The following CFAP20DC variants were observed in gnomAD, a reference collection of about 807,000 sequenced individuals.
CFAP20DC encodes the protein protein CFAP20DC.
A neutral mutation model predicts 101.7 loss-of-function variants in CFAP20DC; 84 were observed. The ratio of observed to expected loss-of-function variants is 0.83; its 90% CI spans 0.69 to 0.99. The LOEUF (loss-of-function observed/expected upper bound fraction) is 0.99. CFAP20DC is among the 50% of genes least tolerant of loss of function. CFAP20DC has a pLI of 0.00. For synonymous variants in CFAP20DC, 359 were observed against 351.2 expected (o/e 1.02, Z -0.25); for missense variants, 1,007 against 970.3 (o/e 1.04, Z -0.50).
intron 14 of CFAP20DC, among the ~76,000 whole-genome samples, chr3:58,829,392 C>T (rs907246257): frequency 3.3e-5 from 5 of 150,926 alleles, no homozygotes; most frequent in African/African-American, 9.7e-5. Flanking sequence ...TTCTTTTTCA[C>T]TGTCCCTGTG....
chr3:58,800,000 T>C lies in CFAP20DC; in HGVS notation c.2237+6395A>G, dbSNP rs1264754295. ...AGCACTCCTAAGTGGGGACCAAGCCTGGAGTATCAGAGGGAAAGAGAAGGA... is the reference window on the plus strand; with the variant it reads ...AGCACTCCTAAGTGGGGACCAAGCCCGGAGTATCAGAGGGAAAGAGAAGGA... On this transcript the variant is annotated intron_variant, in intron 15 of 16. Coordinates refer to ENST00000482387, the MANE Select transcript of CFAP20DC (RefSeq NM_001394063.1). This position sits in a 1 kb window ranked among gnomAD's most constrained non-coding sequence, Gnocchi z 4.9. 6.6e-6 allele frequency among the ~76,000 whole-genome samples: 1 copy of C among 152,088 alleles called. No individual in the cohort carries two copies. Among genetic ancestry groups the C allele is most frequent in the Non-Finnish European group, 1.5e-5 (1 of 68,016 alleles).
intron 13 of CFAP20DC, among the ~76,000 whole-genome samples, chr3:58,844,328 A>G (rs202081347): frequency 2.1e-5 from 3 of 145,792 alleles, no homozygotes; most frequent in African/African-American, 7.8e-5. Context: ...TCTACCAAGC[A>G]AATGGAAAAC....
chr3:58,872,933 C>A (rs1306737043), intron 7 of CFAP20DC, among the ~76,000 whole-genome samples: 2 of 142,952 alleles, frequency 1.4e-5, no homozygotes, highest in Admixed American at 7.1e-5. Context: ...TGGATACTGT[C>A]AGGCAGGTCC....
intron 4 of CFAP20DC, among the ~76,000 whole-genome samples, chr3:58,965,917 G>C (rs1185000001): frequency 6.6e-6 from 1 of 152,166 alleles, no homozygotes; most frequent in Admixed American, 6.5e-5. Context: ...CTGTGAAAAT[G>C]GTAGAGAAAA....
At chr3:58,891,428 AG>A (rs2082249190) in intron 6 of CFAP20DC, among the ~76,000 whole-genome samples, 1 of 1,504 alleles carries the variant, frequency 6.6e-4, no homozygotes, top group Admixed American at 0.025. Context: ...CCGTGGGGAG[AG>A]GGAGAGGGAG....
At chr3:59,037,682 G>T (rs2094128559) in intron 4 of CFAP20DC, among the ~76,000 whole-genome samples, 1 of 152,086 alleles carries the variant, frequency 6.6e-6, no homozygotes, top group African/African-American at 2.4e-5. Flanking sequence ...TACTGTTGGT[G>T]GGAGTCTAAA....
Position 58,913,742 on chromosome 3 carries a change from T to G in CFAP20DC, c.516A>C (p.Leu172Phe). 4.3e-6 allele frequency: 7 copies of G among 1,613,764 alleles called. No individual in the cohort carries two copies. The highest frequency in any genetic ancestry group is 5.9e-6 in the Non-Finnish European group (7 of 1,179,800). ...CAGCAGTGTCTTGTGGCTTTGATTT[T>G]AAGGTGAAGATCTTCCGTAGCTTAC... ...ANCKLRKIFT[L>F]KSKPQDTADK... Residue 172 changes from leucine to phenylalanine, a missense_variant, in exon 6 of 17, where the codon TTA becomes TTC. By Grantham distance (22) the Leu-to-Phe change is conservative. Transcript: ENST00000482387. This position sits in a 1 kb window ranked among gnomAD's most constrained non-coding sequence, Gnocchi z 4.4.
At chr3:59,026,340 G>C (rs373209671) in intron 4 of CFAP20DC, among the ~76,000 whole-genome samples, 2 of 152,164 alleles carry the variant, frequency 1.3e-5, no homozygotes, top group East Asian at 3.8e-4. Flanking sequence ...ACATAGTTTA[G>C]AGATGTATTC....
chr3:58,750,717 A>G (rs2068507544), intron 16 of CFAP20DC, among the ~76,000 whole-genome samples: 1 of 152,174 alleles, frequency 6.6e-6, no homozygotes, highest in Non-Finnish European at 1.5e-5. Flanking sequence ...AGTGTTTTTA[A>G]CTGGTTCATC....
intron 15 of CFAP20DC, among the ~76,000 whole-genome samples, chr3:58,786,793 T>C (rs1462339365): frequency 1.3e-5 from 2 of 151,764 alleles, no homozygotes; most frequent in African/African-American, 2.4e-5. Flanking sequence ...AAAAAAATCA[T>C]ATACTGAGGT....
chr3:58,812,660 C>T (rs1333031907), intron 14 of CFAP20DC, among the ~76,000 whole-genome samples: 2 of 151,400 alleles, frequency 1.3e-5, no homozygotes, highest in African/African-American at 4.9e-5. Context: ...ACATGTGTAA[C>T]TAACCTGCAC....
intron 4 of CFAP20DC, among the ~76,000 whole-genome samples, chr3:58,957,732 G>GT (rs929827277): frequency 6.6e-6 from 1 of 151,958 alleles, no homozygotes; most frequent in Non-Finnish European, 1.5e-5. Flanking sequence ...CATTTATTCA[G>GT]TAAAAAAAAG....
At chr3:58,731,881 G>C (rs903636862) in intron 3 of CFAP20DC, among the ~76,000 whole-genome samples, 1 of 152,156 alleles carries the variant, frequency 6.6e-6, no homozygotes. Context: ...TTGGTCAATA[G>C]TGCCACCAAC....
At chr3:58,837,011 A>G (rs2076784068) in intron 13 of CFAP20DC, among the ~76,000 whole-genome samples, 1 of 152,160 alleles carries the variant, frequency 6.6e-6, no homozygotes, top group Admixed American at 6.6e-5. Context: ...TCCAGCCATC[A>G]GGCAGAAAAG....
intron 4 of CFAP20DC, among the ~76,000 whole-genome samples, chr3:59,031,525 G>A (rs1256903777): frequency 6.6e-6 from 1 of 152,182 alleles, no homozygotes; most frequent in Non-Finnish European, 1.5e-5. Flanking sequence ...GAACCAGAAA[G>A]TGATACGTGA....
chr3:58,737,136 A>G, downstream of CFAP20DC: 1 of 454,692 alleles, frequency 2.2e-6, no homozygotes, highest in Admixed American at 2.4e-5. This position sits in a 1 kb window ranked among gnomAD's most constrained non-coding sequence, Gnocchi z 4.1. Flanking sequence ...GACTTAAGAA[A>G]TGTTCAGGCT....
intron 6 of CFAP20DC, among the ~76,000 whole-genome samples, chr3:58,890,668 C>T (rs1450892731): frequency 1.7e-4 from 25 of 143,246 alleles, no homozygotes; most frequent in Middle Eastern, 8.5e-3. Context: ...TCTTTTCAGA[C>T]GGGGTGGTTG....
intron 5 of CFAP20DC, among the ~76,000 whole-genome samples, chr3:58,921,279 A>G (rs1329789672): frequency 6.6e-6 from 1 of 151,918 alleles, no homozygotes; most frequent in African/African-American, 2.4e-5. Context: ...ATCTTTCTGT[A>G]CACATCAGTT....
chr3:58,980,626 G>A (rs2092493645), intron 4 of CFAP20DC, among the ~76,000 whole-genome samples: 2 of 152,198 alleles, frequency 1.3e-5, no homozygotes, highest in African/African-American at 4.8e-5. Flanking sequence ...CTCAATAGAT[G>A]CAGAAAAGGC....
Sources: allele counts gnomAD v4.1 joint callset (sites outside exome capture counted in the v4.1 genomes callset), GRCh38; gene constraint gnomAD v4.1.1; non-coding constraint Gnocchi (gnomAD v3.1); transcripts MANE v1.5; gene names NCBI Gene and HGNC (gene_info 2026-07-23, HGNC 2026-07-21).